DPP10: variants seen among roughly 807,000 people sequenced by gnomAD.
The protein encoded by DPP10 is dipeptidyl peptidase like 10, also known as inactive dipeptidyl peptidase 10.
Under a neutral mutation model 120.9 loss-of-function variants are expected in DPP10, and 33 were observed. The observed-to-expected ratio is 0.27, with a 90% CI of 0.21 to 0.37. DPP10 has a LOEUF of 0.37. Among genes scored for constraint, DPP10 ranks in the 10% least tolerant of loss-of-function variants. The pLI is 1.00. For missense variants in DPP10, 816 were observed against 942.8 expected (o/e 0.87, Z 1.76); for synonymous variants, 337 against 326.1 (o/e 1.03, Z -0.36).
At chr2:115,350,716 C>G (rs2063970264) in intron 3 of DPP10, among the ~76,000 whole-genome samples, 1 of 152,094 alleles carries the variant, frequency 6.6e-6, no homozygotes, top group African/African-American at 2.4e-5. Context: ...GTTTCACTTC[C>G]TTCTTTCCCA....
intron 1 of DPP10, among the ~76,000 whole-genome samples, chr2:115,141,588 T>C (rs1194714630): frequency 6.6e-6 from 1 of 152,214 alleles, no homozygotes; most frequent in Non-Finnish European, 1.5e-5. Context: ...CATAAATACT[T>C]GTTAATAACT....
At chr2:115,189,661 A>G (rs1160777369) in intron 1 of DPP10, among the ~76,000 whole-genome samples, 1 of 151,956 alleles carries the variant, frequency 6.6e-6, no homozygotes, top group Non-Finnish European at 1.5e-5. Flanking sequence ...GTTCTGCTTG[A>G]TTCTCTAAAA....
At chr2:114,733,772 T>C (rs1677147850) in intron 1 of DPP10, among the ~76,000 whole-genome samples, 1 of 152,220 alleles carries the variant, frequency 6.6e-6, no homozygotes, top group African/African-American at 2.4e-5. Context: ...CAAATGTAAT[T>C]ATTATAGAGT....
chr2:115,381,710 G>T (rs1000859445), intron 3 of DPP10, among the ~76,000 whole-genome samples: 1 of 152,122 alleles, frequency 6.6e-6, no homozygotes, highest in Non-Finnish European at 1.5e-5. Context: ...TTTGATGATG[G>T]TGATCTACAG....
chr2:115,811,378 T>G (rs1686621445), intron 19 of DPP10, among the ~76,000 whole-genome samples: 1 of 152,200 alleles, frequency 6.6e-6, no homozygotes, highest in African/African-American at 2.4e-5. Context: ...GTAGTTTTCT[T>G]CTATGAGTGT....
chr2:114,733,232 T>A (rs1677091028), intron 1 of DPP10, among the ~76,000 whole-genome samples: 2 of 152,154 alleles, frequency 1.3e-5, no homozygotes, highest in Middle Eastern at 3.2e-3. Flanking sequence ...TTTCACTTAT[T>A]TCCTGGTCCC....
At chr2:114,471,346 A>C (rs1558787958) in intron 1 of DPP10, among the ~76,000 whole-genome samples, 1 of 152,218 alleles carries the variant, frequency 6.6e-6, no homozygotes, top group Non-Finnish European at 1.5e-5. Flanking sequence ...TCTTTTAAGC[A>C]GTCTAAAAGG....
chr2:114,689,165 AAATCAT>A (rs1699572578), intron 1 of DPP10, among the ~76,000 whole-genome samples: 1 of 151,626 alleles, frequency 6.6e-6, no homozygotes, highest in South Asian at 2.1e-4. Flanking sequence ...CTTGCTGCAC[AAATCAT>A]CCCATCACCT....
chr2:115,234,064 G>T, intron 1 of DPP10: 1 of 416,432 alleles, frequency 2.4e-6, no homozygotes, highest in Non-Finnish European at 4.7e-6. Flanking sequence ...ATAAGCAATA[G>T]AATAATGATG....
At chr2:114,478,466 G>A (rs999248990) in intron 1 of DPP10, among the ~76,000 whole-genome samples, 5 of 152,040 alleles carry the variant, frequency 3.3e-5, no homozygotes, top group African/African-American at 4.8e-5. Context: ...CATCTTAGAT[G>A]ATGAAAGACT....
intron 1 of DPP10, among the ~76,000 whole-genome samples, chr2:115,127,983 G>C (rs1308323697): frequency 6.6e-6 from 1 of 151,996 alleles, no homozygotes; most frequent in Non-Finnish European, 1.5e-5. Flanking sequence ...GCTTGTGTTA[G>C]ATTTAAAAAC....
At chr2:115,026,506 C>T (rs751847327) in intron 1 of DPP10, among the ~76,000 whole-genome samples, 5 of 151,784 alleles carry the variant, frequency 3.3e-5, no homozygotes, top group South Asian at 2.1e-4. Context: ...GGGTCTTTTG[C>T]GGTTCCATAT....
intron 1 of DPP10, among the ~76,000 whole-genome samples, chr2:114,665,887 G>T (rs904012950): frequency 7.9e-5 from 12 of 152,276 alleles, no homozygotes; most frequent in African/African-American, 2.9e-4. Flanking sequence ...TTTTGCTCCA[G>T]TAGCCTGGAA....
chr2:114,690,934 C>A (rs1699700965), intron 1 of DPP10, among the ~76,000 whole-genome samples: 1 of 152,046 alleles, frequency 6.6e-6, no homozygotes. Context: ...TGAGACTTTG[C>A]TGAAGTTGCT....
chr2:114,813,445 A>G (rs376603457), intron 1 of DPP10, among the ~76,000 whole-genome samples: 1 of 152,208 alleles, frequency 6.6e-6, no homozygotes, highest in East Asian at 1.9e-4. Flanking sequence ...TCCTGCACGC[A>G]GTAAATAGTG....
chr2:115,072,834 G>A (rs986782880), intron 1 of DPP10, among the ~76,000 whole-genome samples: 3 of 152,058 alleles, frequency 2.0e-5, no homozygotes, highest in Non-Finnish European at 4.4e-5. Context: ...CCAGGCTGGA[G>A]TGCAGTGGTG....
At chr2:114,583,699 T>G (rs1043957320) in intron 1 of DPP10, among the ~76,000 whole-genome samples, 1 of 152,220 alleles carries the variant, frequency 6.6e-6, no homozygotes, top group Non-Finnish European at 1.5e-5. Flanking sequence ...TGGCTATAAC[T>G]GAATCTTTGC....
chr2:115,762,967 T>C (rs1300441036), intron 12 of DPP10, among the ~76,000 whole-genome samples: 1 of 152,196 alleles, frequency 6.6e-6, no homozygotes, highest in African/African-American at 2.4e-5. Context: ...GACCTTTACA[T>C]AAATTGATCA....
intron 1 of DPP10, among the ~76,000 whole-genome samples, chr2:114,625,870 C>T (rs1428411225): frequency 6.6e-6 from 1 of 151,832 alleles, no homozygotes; most frequent in Non-Finnish European, 1.5e-5. Flanking sequence ...CTCCAAGAAG[C>T]CCTGGGTTTC....
Sources: gnomAD v4.1 joint callset for allele counts (sites outside exome capture counted in the v4.1 genomes callset) on GRCh38, gnomAD v4.1.1 for gene constraint, MANE v1.5 for transcripts, NCBI Gene and HGNC (gene_info 2026-07-23, HGNC 2026-07-21) for gene names.